GNB4: variants seen among roughly 807,000 people sequenced by gnomAD.
GNB4 encodes G protein subunit beta 4.
GNB4 carries 28 observed loss-of-function variants against 45.2 expected under a neutral mutation model. The ratio of observed to expected loss-of-function variants is 0.62; its 90% confidence interval spans 0.46 to 0.85. The LOEUF is 0.85. GNB4 is among the 40% of genes least tolerant of loss of function. The pLI is 0.00. For missense variants in GNB4, 321 were observed against 425.4 expected, an observed-to-expected ratio of 0.75 and a Z score of 2.16; for synonymous variants, 132 against 143.7, an observed-to-expected ratio of 0.92 and a Z score of 0.58.
chr3:179,459,453 T>G, the GNB4 span, among the ~76,000 whole-genome samples: 1 of 151,898 alleles, frequency 6.6e-6, no homozygotes, highest in Non-Finnish European at 1.5e-5. Flanking sequence ...GAGGCCAAGG[T>G]GGGCGGATTA....
the GNB4 span, among the ~76,000 whole-genome samples, chr3:179,493,129 A>G: frequency 6.6e-6 from 1 of 152,182 alleles, no homozygotes; most frequent in African/African-American, 2.4e-5. Flanking sequence ...GGCTCCCTCA[A>G]CTGTGCACAC....
At chr3:179,480,850 TTTTC>T in the GNB4 span, among the ~76,000 whole-genome samples, 1 of 151,390 alleles carries the variant, frequency 6.6e-6, no homozygotes, top group South Asian at 2.1e-4. Flanking sequence ...CATTTTTTTT[TTTTC>T]TTTTTTTTTT....
chr3:179,456,107 C>CTTTTTT (rs10603569), upstream of GNB4, among the ~76,000 whole-genome samples: 7 of 122,624 alleles, frequency 5.7e-5, no homozygotes, highest in Non-Finnish European at 6.7e-5. Context: ...GGGACATAGA[C>CTTTTTT]TTTTTTTTTT....
chr3:179,435,730 A>G (rs1386546773), intron 1 of GNB4, among the ~76,000 whole-genome samples: 1 of 152,258 alleles, frequency 6.6e-6, no homozygotes, highest in Non-Finnish European at 1.5e-5. Context: ...ATTTTAAATA[A>G]CTATCACATA....
chr3:179,512,120 G>A, the GNB4 span, among the ~76,000 whole-genome samples: 1 of 152,168 alleles, frequency 6.6e-6, no homozygotes, highest in Non-Finnish European at 1.5e-5. Flanking sequence ...ACATTACAGT[G>A]TTCTGGAAGC....
intron 1 of GNB4, among the ~76,000 whole-genome samples, chr3:179,441,222 G>C (rs1192330819): frequency 6.6e-6 from 1 of 152,194 alleles, no homozygotes; most frequent in African/African-American, 2.4e-5. Context: ...TATGCTCTGA[G>C]AAACACGTCC....
chr3:179,468,035 A>AAAAAAAAAAAATATATAT, the GNB4 span, among the ~76,000 whole-genome samples: 15 of 89,850 alleles, frequency 1.7e-4, 1 homozygote, highest in African/African-American at 4.4e-4. Context: ...TGTTGATAAA[A>AAAAAAAAAAAATATATAT]ATATATATAT....
intron 2 of GNB4, among the ~76,000 whole-genome samples, chr3:179,425,534 G>A (rs909626523): frequency 6.6e-6 from 1 of 152,184 alleles, no homozygotes. Context: ...GCAGTGGCGT[G>A]AGTTCAGCTC....
chr3:179,500,463 C>T, the GNB4 span, among the ~76,000 whole-genome samples: 4 of 152,170 alleles, frequency 2.6e-5, no homozygotes, highest in Non-Finnish European at 5.9e-5. Context: ...GGTACCAGTA[C>T]CATGCTGTTT....
intron 4 of GNB4, among the ~76,000 whole-genome samples, chr3:179,417,224 G>A (rs190192534): frequency 2.0e-5 from 3 of 152,260 alleles, no homozygotes; most frequent in East Asian, 3.9e-4. Context: ...TAAGATCAAT[G>A]ACAGGTAGAA....
At position 179,413,570 on chromosome 3, in the gene GNB4, T is replaced by C. The variant is rs1304927674; in HGVS notation, c.541A>G (p.Thr181Ala). 3.7e-6 allele frequency: 6 copies of C among 1,614,004 alleles called. No homozygotes were observed. The highest frequency in any genetic ancestry group is 5.1e-6 in the Non-Finnish European group (6 of 1,180,024). ...CTCATCACATCTCCAGAATGCCCAG[T>C]GAATGTGGTGGTCTGCTGGGCAGTT... ...IETAQQTTTF[T>A]GHSGDVMSLS... The change falls in exon 8 of 10, where the codon ACT becomes GCT. Residue 181 changes from threonine (T) to alanine (A), a missense_variant. Coordinates refer to ENST00000232564, the MANE Select transcript of GNB4 (RefSeq NM_021629.4).
the GNB4 span, among the ~76,000 whole-genome samples, chr3:179,486,889 GAAGAATAAAA>G: frequency 7.7e-4 from 117 of 152,300 alleles, no homozygotes; most frequent in African/African-American, 2.7e-3. Context: ...TTGCAAATTA[GAAGAATAAAA>G]CCAAAACTGT....
At position 179,414,906 on chromosome 3, in the gene GNB4, G is replaced by C. The variant is rs767993499; in HGVS notation, c.409C>G (p.Arg137Gly). ...TCACCTGTGTGACCTGGCAACTCTC[G>C]GCTTACTCTCACATTTCCCTCTCTG... is the stretch of plus-strand genomic sequence containing the variant. ...KTREGNVRVS[R>G]ELPGHTGYLS... Residue 137 changes from arginine to glycine, a missense_variant, in exon 6 of 10, where the codon CGA (arginine) becomes GGA (glycine). Transcript: ENST00000232564. 6.3e-7 allele frequency: 1 copy of C among 1,591,952 alleles called. No homozygotes were observed. The highest frequency in any genetic ancestry group is 8.6e-7 in the Non-Finnish European group (1 of 1,164,410).
At chr3:179,478,113 G>C in the GNB4 span, among the ~76,000 whole-genome samples, 2 of 152,186 alleles carry the variant, frequency 1.3e-5, no homozygotes, top group Non-Finnish European at 2.9e-5. Flanking sequence ...AAGGGCAAGC[G>C]AAGATGAGAG....
chr3:179,414,862 AAAGAATATTT>A lies in GNB4; in HGVS notation c.430+13_430+22del. On this transcript the variant is annotated intron_variant, in intron 6 of 9. Coordinates refer to ENST00000232564, the MANE Select transcript of GNB4 (RefSeq NM_021629.4). ...TCCACACAAGGAATCGTGTGGTGGG[AAAGAATATTT>A]AGGGAAGCTCACCTGTGTGACCTGG... 1 of 1,544,134 alleles carries A rather than the reference AAAGAATATTT, an allele frequency of 6.5e-7. No homozygotes were observed. Among genetic ancestry groups the A allele is most frequent in the Non-Finnish European group, 8.8e-7 (1 of 1,131,458 alleles).
At chr3:179,414,016 G>C (rs1007787406) in intron 6 of GNB4, among the ~76,000 whole-genome samples, 2 of 152,152 alleles carry the variant, frequency 1.3e-5, no homozygotes, top group African/African-American at 4.8e-5. Flanking sequence ...TGGGTACTCT[G>C]AAAGTTACCA....
the GNB4 span, among the ~76,000 whole-genome samples, chr3:179,524,419 T>C: frequency 6.6e-6 from 1 of 152,344 alleles, no homozygotes; most frequent in East Asian, 1.9e-4. Flanking sequence ...GGAGGTCCTG[T>C]AGGAATGCTT....
chr3:179,450,755 G>C (rs1254018271), intron 1 of GNB4, among the ~76,000 whole-genome samples: 1 of 152,138 alleles, frequency 6.6e-6, no homozygotes, highest in Non-Finnish European at 1.5e-5. Flanking sequence ...GGAGAGAAAA[G>C]CAAAACACTT....
At chr3:179,422,047 T>TA (rs1371324634) in intron 2 of GNB4, among the ~76,000 whole-genome samples, 3 of 152,118 alleles carry the variant, frequency 2.0e-5, no homozygotes, top group Admixed American at 6.6e-5. Context: ...AGTTAGTTGT[T>TA]AAAAAAACTG....
Sources: gnomAD v4.1 joint callset for allele counts (sites outside exome capture counted in the v4.1 genomes callset) on GRCh38, gnomAD v4.1.1 for gene constraint, MANE v1.5 for transcripts, NCBI Gene and HGNC (gene_info 2026-07-23, HGNC 2026-07-21) for gene names.